Variants in LYPD6B observed in about 807,000 individuals in gnomAD.
LYPD6B encodes LY6/PLAUR domain containing 6B.
In LYPD6B, 17 loss-of-function variants were observed where a neutral mutation model predicts 22.8. The observed-to-expected ratio is 0.75, with a 90% CI of 0.51 to 1.12. LYPD6B has a LOEUF of 1.12. LYPD6B is among the 50% of genes most tolerant of loss of function. The probability of loss-of-function intolerance (pLI) is 0.00; values close to 1 mark genes in which losing one functional copy is unlikely to be tolerated. For synonymous variants in LYPD6B, 106 were observed against 91.6 expected, an observed-to-expected ratio of 1.16 and a Z score of -0.90; for missense variants, 221 against 258.3, an observed-to-expected ratio of 0.86 and a Z score of 0.99.
chr2:149,131,235 A>G (rs932707724), intron 2 of LYPD6B: 12 of 391,524 alleles, frequency 3.1e-5, no homozygotes, highest in Non-Finnish European at 5.4e-5. Flanking sequence ...GCAATTGTGG[A>G]TTCATTTCAT....
intron 1 of LYPD6B, among the ~76,000 whole-genome samples, chr2:149,087,990 T>C (rs1685476818): frequency 6.6e-6 from 1 of 152,152 alleles, no homozygotes; most frequent in African/African-American, 2.4e-5. Flanking sequence ...AAGAATTTAG[T>C]GCTCTGGTTT....
intron 3 of LYPD6B, among the ~76,000 whole-genome samples, chr2:149,177,011 T>C (rs1396078251): frequency 6.6e-6 from 1 of 152,180 alleles, no homozygotes; most frequent in Non-Finnish European, 1.5e-5. Flanking sequence ...AGTTGAATTG[T>C]TTATGAAGAT....
At chr2:149,095,920 AGACAGAGAGAGG>A (rs1685883635) in intron 1 of LYPD6B, among the ~76,000 whole-genome samples, 1 of 152,026 alleles carries the variant, frequency 6.6e-6, no homozygotes, top group African/African-American at 2.4e-5. Flanking sequence ...ATGCACACAC[AGACAGAGAGAGG>A]GACAGAGAGA....
chr2:149,176,719 T>C (rs978970856), intron 3 of LYPD6B, among the ~76,000 whole-genome samples: 3 of 152,108 alleles, frequency 2.0e-5, no homozygotes, highest in Admixed American at 6.6e-5. Flanking sequence ...GCTAAACAGG[T>C]GACTACAGGC....
chr2:149,139,500 G>A (rs989569452), intron 2 of LYPD6B, among the ~76,000 whole-genome samples: 3 of 152,184 alleles, frequency 2.0e-5, no homozygotes, highest in African/African-American at 7.2e-5. Context: ...AAGGCTGTAA[G>A]CATACACTTC....
At chr2:149,047,263 TC>T (rs1164890220) in intron 1 of LYPD6B, among the ~76,000 whole-genome samples, 1 of 152,190 alleles carries the variant, frequency 6.6e-6, no homozygotes, top group Non-Finnish European at 1.5e-5. Flanking sequence ...TTTTTGTTTC[TC>T]TTTGATTTCT....
At chr2:149,140,586 C>T (rs943141217) in intron 2 of LYPD6B, among the ~76,000 whole-genome samples, 11 of 152,200 alleles carry the variant, frequency 7.2e-5, no homozygotes, top group Admixed American at 7.2e-4. Flanking sequence ...GCCAATGTCC[C>T]TCCCACACTC....
chr2:149,144,734 T>C (rs952438545), intron 2 of LYPD6B, among the ~76,000 whole-genome samples: 30 of 152,146 alleles, frequency 2.0e-4, no homozygotes, highest in African/African-American at 6.5e-4. Context: ...AGCATACTCA[T>C]GAGGCTAGGA....
chr2:149,200,429 C>T (rs999572821), intron 3 of LYPD6B, among the ~76,000 whole-genome samples: 2 of 151,998 alleles, frequency 1.3e-5, no homozygotes, highest in African/African-American at 2.4e-5. Flanking sequence ...AGCTAAGGCA[C>T]TCTTTATAGG....
intron 3 of LYPD6B, among the ~76,000 whole-genome samples, chr2:149,189,257 G>A (rs1266854804): frequency 6.7e-6 from 1 of 149,034 alleles, no homozygotes; most frequent in Non-Finnish European, 1.5e-5. Flanking sequence ...ATTTCAAAAA[G>A]CATAAAATAA....
At chr2:149,211,815 A>G (rs1456670050) in intron 5 of LYPD6B, among the ~76,000 whole-genome samples, 1 of 152,180 alleles carries the variant, frequency 6.6e-6, no homozygotes, top group Non-Finnish European at 1.5e-5. Flanking sequence ...GGTATAAAAG[A>G]GACACAGAAC....
chr2:149,095,141 T>C (rs1574956479), intron 1 of LYPD6B, among the ~76,000 whole-genome samples: 1 of 151,830 alleles, frequency 6.6e-6, no homozygotes, highest in East Asian at 1.9e-4. Context: ...ACTAAAAATA[T>C]AAAAATTAGC....
chr2:149,126,396 A>G (rs749849334), intron 1 of LYPD6B, among the ~76,000 whole-genome samples: 1 of 152,246 alleles, frequency 6.6e-6, no homozygotes, highest in Non-Finnish European at 1.5e-5. Context: ...CAGTCAATGC[A>G]TACTTATTTT....
intron 1 of LYPD6B, among the ~76,000 whole-genome samples, chr2:149,127,906 C>G (rs2105669689): frequency 6.6e-6 from 1 of 152,156 alleles, no homozygotes; most frequent in South Asian, 2.1e-4. Context: ...CACATTCTAC[C>G]TATTAATCTT....
chr2:149,058,704 C>T (rs993952127), intron 1 of LYPD6B, among the ~76,000 whole-genome samples: 3 of 152,212 alleles, frequency 2.0e-5, no homozygotes, highest in Non-Finnish European at 4.4e-5. Flanking sequence ...ACTACAACCT[C>T]CACCTCCCAG....
chr2:149,192,184 G>A (rs1212507349), intron 3 of LYPD6B, among the ~76,000 whole-genome samples: 14 of 152,138 alleles, frequency 9.2e-5, no homozygotes, highest in African/African-American at 1.4e-4. Flanking sequence ...CTCTGAAGAC[G>A]TTAGAGTTAA....
chr2:149,046,549 G>T (rs953523104), intron 1 of LYPD6B, among the ~76,000 whole-genome samples: 2 of 151,804 alleles, frequency 1.3e-5, no homozygotes, highest in Non-Finnish European at 2.9e-5. Context: ...GTCCCGCTCT[G>T]TCACCCAGGC....
intron 1 of LYPD6B, among the ~76,000 whole-genome samples, chr2:149,117,605 A>G (rs1687071409): frequency 6.6e-6 from 1 of 152,128 alleles, no homozygotes; most frequent in African/African-American, 2.4e-5. Flanking sequence ...GGTTATGCTT[A>G]ATATATGTAC....
intron 1 of LYPD6B, among the ~76,000 whole-genome samples, chr2:149,099,906 G>A (rs913748199): frequency 6.6e-6 from 1 of 152,078 alleles, no homozygotes; most frequent in Non-Finnish European, 1.5e-5. Flanking sequence ...GCTTTGGTTA[G>A]GAAGTGTTTT....
Sources: gnomAD v4.1 joint callset for allele counts (sites outside exome capture counted in the v4.1 genomes callset) on GRCh38, gnomAD v4.1.1 for gene constraint, MANE v1.5 for transcripts, NCBI Gene and HGNC (gene_info 2026-07-23, HGNC 2026-07-21) for gene names.